The following ZNF577 variants were observed in gnomAD, a reference collection of about 807,000 sequenced individuals.
ZNF577 encodes the protein zinc finger protein 577.
ZNF577 carries 14 observed loss-of-function variants against 13.9 expected under a neutral mutation model. The ratio of observed to expected loss-of-function variants is 1.00; its 90% CI spans 0.66 to 1.57. The LOEUF (loss-of-function observed/expected upper bound fraction) is 1.57, where lower values mean the gene tolerates loss of function less well. ZNF577 is among the 40% of genes most tolerant of loss of function. The pLI, the probability that ZNF577 is intolerant of heterozygous loss-of-function variation, is 0.00. For synonymous variants in ZNF577, 203 were observed against 202.9 expected, an observed-to-expected ratio of 1.00 and a Z score of 0.00; for missense variants, 555 against 579.2, an observed-to-expected ratio of 0.96 and a Z score of 0.43.
At chr19:51,860,138 G>A (rs1378031075) in intron 5 of ZNF577, 3 of 152,080 alleles carry the variant, frequency 2.0e-5, no homozygotes, top group African/African-American at 7.2e-5. Context: ...AAAAAGCCCT[G>A]ACAATTACTA....
intron 10 of ZNF577, among the ~76,000 whole-genome samples, chr19:51,805,968 C>T (rs565486763): frequency 5.2e-4 from 79 of 152,182 alleles, no homozygotes; most frequent in African/African-American, 1.8e-3. Flanking sequence ...ATTATGTGTT[C>T]GCAATGTGCT....
intron 3 of ZNF577, 68 bp downstream of exon 3, chr19:51,880,255 A>ACCGT: frequency 6.7e-7 from 1 of 1,483,774 alleles, no homozygotes; most frequent in Non-Finnish European, 9.4e-7. Flanking sequence ...CTTTGAGGAT[A>ACCGT]CCGTCAACCA....
downstream of ZNF577, among the ~76,000 whole-genome samples, chr19:51,864,474 A>T (rs1406159554): frequency 6.6e-6 from 1 of 152,216 alleles, no homozygotes; most frequent in Non-Finnish European, 1.5e-5. Flanking sequence ...GAATAGAAAC[A>T]AGAGTAAAGG....
chr19:51,813,118 CAACACACACACA>C (rs1018086824), intron 9 of ZNF577, among the ~76,000 whole-genome samples: 3 of 125,916 alleles, frequency 2.4e-5, no homozygotes, highest in African/African-American at 9.8e-5. Flanking sequence ...TGCTCTGTCT[CAACACACACACA>C]CACACACACA....
In ZNF577 at chr19:51,873,735, C is replaced by A. The variant is rs749524429; in HGVS notation, c.284-29G>T. ...AATGAGATTTCAAACTTTTACAATGCGAGCCAAACTTATTGTGTCTTTACA... is the reference window on the plus strand; with the variant it reads ...AATGAGATTTCAAACTTTTACAATGAGAGCCAAACTTATTGTGTCTTTACA... On this transcript the variant is annotated intron_variant, in intron 5 of 5. Coordinates refer to ENST00000638348, the MANE Select transcript of ZNF577 (RefSeq NM_001370449.1). 3.3e-6 allele frequency: 5 copies of A among 1,515,278 alleles called. No individual in the cohort carries two copies. In the East Asian group the frequency reaches 6.8e-5, roughly 21 times the overall value. 93.9% of individuals were successfully genotyped at this position (1,515,278 alleles called of 1,614,324 possible).
At chr19:51,837,288 T>C (rs2084293198) in intron 9 of ZNF577, among the ~76,000 whole-genome samples, 1 of 152,134 alleles carries the variant, frequency 6.6e-6, no homozygotes, top group South Asian at 2.1e-4. Flanking sequence ...TACTTAGTTC[T>C]TATTGGTTAA....
chr19:51,838,781 G>A (rs10404459), intron 9 of ZNF577, among the ~76,000 whole-genome samples: 1,682 of 151,908 alleles, frequency 0.011, 35 homozygotes, highest in African/African-American at 0.039. Flanking sequence ...ATGGTAAATT[G>A]TAGATGCTTT....
At chr19:51,866,842 C>T (rs781576320), downstream of ZNF577, among the ~76,000 whole-genome samples, 5 of 151,936 alleles carry the variant, frequency 3.3e-5, no homozygotes, top group African/African-American at 4.8e-5. Context: ...ATTAGCCAGG[C>T]GTGGTGACAC....
At chr19:51,860,737 C>T (rs182988742) in intron 5 of ZNF577, 16 of 250,226 alleles carry the variant, frequency 6.4e-5, no homozygotes, top group Middle Eastern at 1.4e-3. Flanking sequence ...AAGGCTTTAC[C>T]ACATTTACTA....
rs908071322 is a variant in ZNF577, at chr19:51,878,584, C to T, written c.61-69G>A. On this transcript the variant is annotated intron_variant, in intron 3 of 5. Transcript: ENST00000638348. ...ATGATGCGGAGAAGAGGGACGGGGACATGTCTTGATCCTTTTCTCCATGAC... is the reference window on the plus strand; with the variant it reads ...ATGATGCGGAGAAGAGGGACGGGGATATGTCTTGATCCTTTTCTCCATGAC... 4.9e-5 allele frequency: 77 copies of T among 1,580,286 alleles called. No homozygotes were observed. The South Asian group carries it at 8.3e-4, about 17-fold the overall frequency.
At chr19:51,832,446 C>T (rs969731115) in intron 9 of ZNF577, among the ~76,000 whole-genome samples, 17 of 152,064 alleles carry the variant, frequency 1.1e-4, no homozygotes, top group South Asian at 2.1e-4. Context: ...GCCTCTGCCC[C>T]CTGGGCTCAA....
At chr19:51,857,435 A>AG (rs2084447438) in intron 5 of ZNF577, among the ~76,000 whole-genome samples, 1 of 151,096 alleles carries the variant, frequency 6.6e-6, no homozygotes, top group Non-Finnish European at 1.5e-5. Context: ...AGAAAAGAAA[A>AG]AACAAAGAAA....
At chr19:51,804,815 T>C (rs2084047008), downstream of ZNF577, 1 of 151,994 alleles carries the variant, frequency 6.6e-6, no homozygotes, top group Non-Finnish European at 1.5e-5. Flanking sequence ...AAAGAGTATA[T>C]TTGGAAGAAG....
At chr19:51,820,000 T>G (rs1568431877) in intron 9 of ZNF577, among the ~76,000 whole-genome samples, 1 of 152,182 alleles carries the variant, frequency 6.6e-6, no homozygotes, top group Admixed American at 6.5e-5. Flanking sequence ...AAAGAAGTCT[T>G]TATTCACAAT....
rs1036005162 is a variant in ZNF577 at position 51,856,400 on chromosome 19, T to C, written c.284-11469A>G. On this transcript the variant is annotated intron_variant and NMD_transcript_variant, in intron 5 of 10. Transcript: ENST00000638827. ...TTCGAATATGTCCCCAGATTATTTCTACCCAACCTCACCTCCATGCTTCCA... is the reference window on the plus strand; with the variant it reads ...TTCGAATATGTCCCCAGATTATTTCCACCCAACCTCACCTCCATGCTTCCA... Among the ~76,000 whole-genome samples the C allele has an allele frequency of 3.3e-5, 5 of 152,226 alleles. 1 individual carries two copies. The highest frequency in any genetic ancestry group is 1.3e-4 in the Admixed American group (2 of 15,282).
At chr19:51,883,071 G>A (rs936800305) in intron 1 of ZNF577, among the ~76,000 whole-genome samples, 1 of 148,744 alleles carries the variant, frequency 6.7e-6, no homozygotes, top group East Asian at 2.0e-4. Context: ...TCAGCTCACT[G>A]CAACCTCCAC....
chr19:51,834,282 A>C (rs2084277334), intron 9 of ZNF577, among the ~76,000 whole-genome samples: 1 of 152,202 alleles, frequency 6.6e-6, no homozygotes, highest in Non-Finnish European at 1.5e-5. Flanking sequence ...ACAAGGTCAC[A>C]CTATGTTGCC....
intron 10 of ZNF577, among the ~76,000 whole-genome samples, chr19:51,808,534 T>G (rs538035510): frequency 6.6e-6 from 1 of 152,346 alleles, no homozygotes; most frequent in South Asian, 2.1e-4. Flanking sequence ...TGACATAGCG[T>G]AAGACTGTTA....
intron 5 of ZNF577, among the ~76,000 whole-genome samples, chr19:51,847,612 G>C (rs1192049586): frequency 1.3e-5 from 2 of 152,100 alleles, no homozygotes; most frequent in Non-Finnish European, 2.9e-5. Flanking sequence ...AGAAACGAGA[G>C]AATGGTCTCT....
Sources: allele counts gnomAD v4.1 joint callset (sites outside exome capture counted in the v4.1 genomes callset), GRCh38; gene constraint gnomAD v4.1.1; transcripts MANE v1.5; gene names NCBI Gene and HGNC (gene_info 2026-07-23, HGNC 2026-07-21).